The following DNAI4 variants were observed in gnomAD, a reference collection of about 807,000 sequenced individuals.
The protein encoded by DNAI4 is dynein axonemal intermediate chain 4.
DNAI4 carries 85 observed loss-of-function variants against 105.8 expected under a neutral mutation model. The ratio of observed to expected loss-of-function variants is 0.80; its 90% CI spans 0.67 to 0.96. DNAI4 has a LOEUF of 0.96. Ranked by LOEUF, DNAI4 falls within the 40% of genes least tolerant of loss-of-function variation. The pLI, the probability that DNAI4 is intolerant of heterozygous loss-of-function variation, is 0.00. For missense variants in DNAI4, 1,014 were observed against 1,005.6 expected, an observed-to-expected ratio of 1.01 and a Z score of -0.11; for synonymous variants, 352 against 331.5, an observed-to-expected ratio of 1.06 and a Z score of -0.67.
At chr1:66,873,852 CTTTTTTTTTTTTTT>C (rs749140367) in intron 5 of DNAI4, among the ~76,000 whole-genome samples, 1 of 110,224 alleles carries the variant, frequency 9.1e-6, no homozygotes, top group Non-Finnish European at 1.8e-5. Context: ...TCCCTCTTTC[CTTTTTTTTTTTTTT>C]TTTTTTTTTG....
chr1:66,891,006 T>C (rs1323306425), intron 4 of DNAI4, 148 bp downstream of exon 4: 10 of 678,662 alleles, frequency 1.5e-5, no homozygotes, highest in African/African-American at 1.3e-4. Context: ...AAAATAGATA[T>C]TCCCCTGGTA....
intron 2 of DNAI4, chr1:66,904,993 C>T (rs1649129396): frequency 2.4e-6 from 1 of 420,334 alleles, no homozygotes. Context: ...TCTCATTCCA[C>T]TCTAATATTC....
rs138994589 is a variant in DNAI4, at chr1:66,813,242, C to T, written c.*888G>A. ...TAGAATGCTTTATAGAACAGCCCAT[C>T]ATGTCCTGTGGCCTCAGTTTAACCC... On this transcript the variant is annotated 3_prime_UTR_variant, in exon 17 of 17. Transcript: ENST00000371026. 6 of 152,446 alleles carry T rather than the reference C, an allele frequency of 3.9e-5. No individual in the cohort carries two copies. The highest frequency in any genetic ancestry group is 1.4e-4 in the African/African-American group (6 of 41,564). The allele number at this position is 152,446 out of a possible 1,614,324, so 9.4% of individuals were successfully genotyped here.
At position 66,870,404 on chromosome 1, in the gene DNAI4, C is replaced by T. The variant is rs866883949; in HGVS notation, c.940+966G>A. Reference sequence around the variant, plus strand: ...TTGCAGTGAGCCAAGATTGCGCCATCGCACTCCAGCCTGGGTGACAAGAGC... The same window carrying T: ...TTGCAGTGAGCCAAGATTGCGCCATTGCACTCCAGCCTGGGTGACAAGAGC... On this transcript the variant is annotated intron_variant, in intron 6 of 16. Coordinates refer to ENST00000371026, the MANE Select transcript of DNAI4 (RefSeq NM_024763.5). 2.9e-3 allele frequency among the ~76,000 whole-genome samples: 413 copies of T among 141,424 alleles called. 2 individuals carry two copies. The highest frequency in any genetic ancestry group is 0.01 in the African/African-American group (380 of 37,548). The allele number at this position is 141,424 out of a possible 152,430, so 92.8% of individuals were successfully genotyped here.
intron 5 of DNAI4, among the ~76,000 whole-genome samples, chr1:66,872,311 C>T (rs2100663170): frequency 6.6e-6 from 1 of 152,220 alleles, no homozygotes; most frequent in African/African-American, 2.4e-5. Flanking sequence ...TCACTGCAAC[C>T]TCCGCCTCTC....
intron 1 of DNAI4, among the ~76,000 whole-genome samples, chr1:66,915,802 G>A (rs964758746): frequency 2.0e-5 from 3 of 152,012 alleles, no homozygotes; most frequent in Admixed American, 2.0e-4. Context: ...TGGTAAGAAA[G>A]CTTAAAGAGA....
At chr1:66,918,748 C>T (rs192232934) in intron 1 of DNAI4, among the ~76,000 whole-genome samples, 1 of 152,094 alleles carries the variant, frequency 6.6e-6, no homozygotes, top group Non-Finnish European at 1.5e-5. Flanking sequence ...CAGATAAAAC[C>T]TGAGACCAGA....
Position 66,862,313 on chromosome 1 carries a change from A to T in DNAI4, c.941-11T>A. The T allele has an allele frequency of 6.2e-7, 1 of 1,600,926 alleles. No individual in the cohort carries two copies. Among genetic ancestry groups the T allele is most frequent in the South Asian group, 1.1e-5 (1 of 87,702 alleles). ...CAGTGGACATTATGCCTAGATAAAG[A>T]CACAGAAAGGTAAAAATTGTTTTAA... On this transcript the variant is annotated splice_polypyrimidine_tract_variant and intron_variant, in intron 6 of 16. Transcript: ENST00000371026.
In DNAI4 at chr1:66,826,866, CTGCAAATATATAGGA is replaced by C. The variant is rs755694340; in HGVS notation, c.2278_2292del (p.Ser760_Ala764del). 6.2e-7 allele frequency: 1 copy of C among 1,614,028 alleles called. No homozygotes were observed. Among genetic ancestry groups the C allele is most frequent in the Non-Finnish European group, 8.5e-7 (1 of 1,180,004 alleles). ...ATCTCCACCCTGTTCTCATTTGCAG[CTGCAAATATATAGGA>C]TGATTTTGGAGACCAGGCAACGTCG... is the stretch of plus-strand genomic sequence containing the variant. On this transcript the variant is annotated inframe_deletion, in exon 15 of 17. Coordinates refer to ENST00000371026, the MANE Select transcript of DNAI4 (RefSeq NM_024763.5).
chr1:66,903,948 T>C (rs898945965), intron 2 of DNAI4, among the ~76,000 whole-genome samples: 1 of 151,744 alleles, frequency 6.6e-6, no homozygotes, highest in East Asian at 1.9e-4. Flanking sequence ...AATATACATA[T>C]ATAATAAATA....
Position 66,826,825 on chromosome 1 carries a change from G to A in DNAI4, c.2334C>T (p.Ile778=). 1 of 1,613,768 alleles carries A rather than the reference G, an allele frequency of 6.2e-7. No individual in the cohort carries two copies. Among genetic ancestry groups the A allele is most frequent in the Non-Finnish European group, 8.5e-7 (1 of 1,179,906 alleles). Residue 778 remains isoleucine (I), a synonymous_variant, in exon 15 of 17, where the codon ATC becomes ATT. Transcript: ENST00000371026. ...CAAGAAAAATAGTAACTTACGTGCTGATATGAAGGTCCCAAATCTCCACCC... is the reference window on the plus strand; with the variant it reads ...CAAGAAAAATAGTAACTTACGTGCTAATATGAAGGTCCCAAATCTCCACCC... ...ENRVEIWDLH[I]STLDPLIVNT...
intron 7 of DNAI4, chr1:66,860,968 G>C (rs532179297): frequency 5.3e-4 from 81 of 152,066 alleles, no homozygotes; most frequent in African/African-American, 1.9e-3. Context: ...ACAACCTTCA[G>C]TAAAACATAG....
chr1:66,893,478 T>C, intron 2 of DNAI4, 65 bp from the exon 3 acceptor site: 1 of 1,116,838 alleles, frequency 9.0e-7, no homozygotes, highest in Non-Finnish European at 1.2e-6. Flanking sequence ...TAACAGCTGC[T>C]AGAAAATAGA....
intron 13 of DNAI4, among the ~76,000 whole-genome samples, chr1:66,831,259 A>G (rs1475488548): frequency 6.6e-6 from 1 of 152,122 alleles, no homozygotes; most frequent in Non-Finnish European, 1.5e-5. Context: ...AAGAAATCAT[A>G]CTAATTTTAT....
At chr1:66,818,868 G>A (rs561558738) in intron 16 of DNAI4, among the ~76,000 whole-genome samples, 146 of 152,204 alleles carry the variant, frequency 9.6e-4, no homozygotes, top group African/African-American at 1.8e-3. Context: ...AGCCAAGATC[G>A]TGCCACTGCA....
chr1:66,849,533 C>T (rs545221574), intron 7 of DNAI4, among the ~76,000 whole-genome samples: 6 of 152,188 alleles, frequency 3.9e-5, no homozygotes, highest in African/African-American at 9.6e-5. Context: ...CCAAGAACCA[C>T]GAAAATGTTA....
intron 14 of DNAI4, 124 bp downstream of exon 14, chr1:66,827,688 A>C: frequency 2.1e-6 from 1 of 470,194 alleles, no homozygotes; most frequent in East Asian, 3.5e-5. Flanking sequence ...AAAACACTTA[A>C]TTCAAGATGG....
chr1:66,815,742 T>G (rs1645502052), intron 16 of DNAI4, among the ~76,000 whole-genome samples: 1 of 152,212 alleles, frequency 6.6e-6, no homozygotes, highest in African/African-American at 2.4e-5. Context: ...ATCCTCATCA[T>G]GCCAGTAGAA....
chr1:66,836,223 AG>A (rs1557908502), intron 10 of DNAI4, among the ~76,000 whole-genome samples: 3 of 148,648 alleles, frequency 2.0e-5, no homozygotes, highest in South Asian at 2.1e-4. Flanking sequence ...AGAGAGAGAG[AG>A]AGAGAGAGAG....
Sources: allele counts gnomAD v4.1 joint callset (sites outside exome capture counted in the v4.1 genomes callset), GRCh38; gene constraint gnomAD v4.1.1; transcripts MANE v1.5; gene names NCBI Gene and HGNC (gene_info 2026-07-23, HGNC 2026-07-21).